Variants in MRTFA observed in about 807,000 individuals in gnomAD.
MRTFA encodes the protein myocardin related transcription factor A.
A neutral mutation model predicts 83.5 loss-of-function variants in MRTFA; 20 were observed. The ratio of observed to expected loss-of-function variants is 0.24; its 90% confidence interval spans 0.17 to 0.35. The LOEUF is 0.35. Ranked by LOEUF, MRTFA falls within the 10% of genes least tolerant of loss-of-function variation. The pLI, the probability that MRTFA is intolerant of heterozygous loss-of-function variation, is 1.00. For synonymous variants in MRTFA, 659 were observed against 541.2 expected (o/e 1.22, Z -3.02); for missense variants, 1,200 against 1,224.7 (o/e 0.98, Z 0.30).
At chr22:40,610,380 T>C (rs2056373375) in intron 1 of MRTFA, among the ~76,000 whole-genome samples, 1 of 152,142 alleles carries the variant, frequency 6.6e-6, no homozygotes, top group Non-Finnish European at 1.5e-5. Context: ...TCCTGTTAAA[T>C]TTCTCTCAGT....
At chr22:40,428,921 A>G (rs2053011532) in intron 7 of MRTFA, among the ~76,000 whole-genome samples, 1 of 151,982 alleles carries the variant, frequency 6.6e-6, no homozygotes, top group Admixed American at 6.6e-5. Flanking sequence ...ACACGCTTTC[A>G]TGAATTCCTA....
intron 1 of MRTFA, among the ~76,000 whole-genome samples, chr22:40,629,102 A>C (rs1357204335): frequency 6.6e-6 from 1 of 151,862 alleles, no homozygotes; most frequent in Non-Finnish European, 1.5e-5. Flanking sequence ...TAGTCTAGGC[A>C]ATATAGCAAG....
intron 9 of MRTFA, among the ~76,000 whole-genome samples, chr22:40,422,086 A>G (rs2052851866): frequency 6.6e-6 from 1 of 152,192 alleles, no homozygotes; most frequent in Non-Finnish European, 1.5e-5. Context: ...GAACAGAGCC[A>G]CAGAGAGCCT....
intron 4 of MRTFA, among the ~76,000 whole-genome samples, chr22:40,442,886 G>C (rs2053303846): frequency 6.6e-6 from 1 of 152,286 alleles, no homozygotes; most frequent in Middle Eastern, 3.4e-3. Flanking sequence ...CAAGTAGTTT[G>C]ATATGGTTGA....
chr22:40,559,101 T>C (rs2055575428), intron 2 of MRTFA, among the ~76,000 whole-genome samples: 1 of 152,102 alleles, frequency 6.6e-6, no homozygotes, highest in Admixed American at 6.5e-5. Context: ...TTAAAAATAA[T>C]GTTTCACCCA....
chr22:40,550,912 C>T (rs1358464543), intron 3 of MRTFA, among the ~76,000 whole-genome samples: 2 of 145,328 alleles, frequency 1.4e-5, no homozygotes, highest in Non-Finnish European at 3.0e-5. Context: ...AGTGCAGTGG[C>T]GCGATCTCGG....
chr22:40,595,673 CTT>C (rs1267161066), intron 1 of MRTFA, among the ~76,000 whole-genome samples: 2 of 152,034 alleles, frequency 1.3e-5, no homozygotes, highest in African/African-American at 2.4e-5. Context: ...AATACAGCCT[CTT>C]TGTGCAATCA....
At chr22:40,449,146 A>G (rs1183012634) in intron 4 of MRTFA, among the ~76,000 whole-genome samples, 1 of 151,998 alleles carries the variant, frequency 6.6e-6, no homozygotes, top group Non-Finnish European at 1.5e-5. Flanking sequence ...GGGTGCCTGT[A>G]GTCCCAGCTA....
intron 14 of MRTFA, among the ~76,000 whole-genome samples, chr22:40,413,079 G>T (rs1424957226): frequency 7.1e-6 from 1 of 140,634 alleles, no homozygotes; most frequent in Non-Finnish European, 1.5e-5. Context: ...GGAGGTTGCA[G>T]TGAGCCAAGA....
chr22:40,632,842 C>CAA (rs2056655886), intron 1 of MRTFA, among the ~76,000 whole-genome samples: 1 of 152,318 alleles, frequency 6.6e-6, no homozygotes, highest in Non-Finnish European at 1.5e-5. Context: ...GTCTTAAACA[C>CAA]TAACTTTCGA....
At chr22:40,493,183 T>C (rs1011124710) in intron 3 of MRTFA, among the ~76,000 whole-genome samples, 2 of 152,172 alleles carry the variant, frequency 1.3e-5, no homozygotes, top group Admixed American at 6.6e-5. Flanking sequence ...CAGCTGATTA[T>C]GAAAACAAAG....
At chr22:40,520,314 C>G (rs6001953) in intron 3 of MRTFA, among the ~76,000 whole-genome samples, 1 of 152,204 alleles carries the variant, frequency 6.6e-6, no homozygotes, top group African/African-American at 2.4e-5. Flanking sequence ...CAGTCACTCT[C>G]CATTTCCTGT....
chr22:40,468,578 T>C (rs1034399442), intron 3 of MRTFA, among the ~76,000 whole-genome samples: 3 of 152,216 alleles, frequency 2.0e-5, no homozygotes, highest in Admixed American at 6.5e-5. Flanking sequence ...CTTTTTCTCA[T>C]GAAACTTCTA....
chr22:40,488,686 A>G (rs1022900765), intron 3 of MRTFA, among the ~76,000 whole-genome samples: 4 of 152,132 alleles, frequency 2.6e-5, no homozygotes, highest in African/African-American at 9.7e-5. Flanking sequence ...ACGAAAAATT[A>G]GCCAGGCATG....
intron 2 of MRTFA, among the ~76,000 whole-genome samples, chr22:40,593,130 G>T (rs558133485): frequency 3.3e-5 from 5 of 151,932 alleles, no homozygotes; most frequent in South Asian, 2.1e-4. Context: ...TTTCAAACCC[G>T]CCAGTCTCCA....
intron 3 of MRTFA, among the ~76,000 whole-genome samples, chr22:40,545,528 G>A (rs2055349190): frequency 6.6e-6 from 1 of 151,718 alleles, no homozygotes; most frequent in African/African-American, 2.4e-5. Flanking sequence ...CGCCTCCTGG[G>A]TTCAAGCAAT....
intron 3 of MRTFA, among the ~76,000 whole-genome samples, chr22:40,475,522 G>A (rs1392371513): frequency 1.3e-5 from 2 of 151,960 alleles, no homozygotes; most frequent in Non-Finnish European, 2.9e-5. Context: ...GGGCAACAGT[G>A]CCAGACTCCG....
At chr22:40,523,210 G>A (rs1462210722) in intron 3 of MRTFA, among the ~76,000 whole-genome samples, 1 of 151,096 alleles carries the variant, frequency 6.6e-6, no homozygotes, top group Admixed American at 6.6e-5. Flanking sequence ...TTTGTTTCCT[G>A]TTTTACCCTA....
chr22:40,533,488 T>C (rs956792513), intron 3 of MRTFA: 1 of 583,530 alleles, frequency 1.7e-6, no homozygotes, highest in Non-Finnish European at 2.5e-6. Flanking sequence ...TTCTGTCCAC[T>C]CCTAGTACAA....
Sources: gnomAD v4.1 joint callset for allele counts (sites outside exome capture counted in the v4.1 genomes callset) on GRCh38, gnomAD v4.1.1 for gene constraint, MANE v1.5 for transcripts, NCBI Gene and HGNC (gene_info 2026-07-23, HGNC 2026-07-21) for gene names.